The following SLC22A23 variants were observed in gnomAD, a reference collection of about 807,000 sequenced individuals.
The protein encoded by SLC22A23 is ion transporter protein.
In SLC22A23, 26 loss-of-function variants were observed where a neutral mutation model predicts 61.0. The observed-to-expected ratio is 0.43, with a 90% confidence interval of 0.31 to 0.59. The LOEUF is 0.59. SLC22A23 is among the 20% of genes least tolerant of loss of function. The pLI, the probability that SLC22A23 is intolerant of heterozygous loss-of-function variation, is 0.11. For synonymous variants in SLC22A23, 430 were observed against 413.9 expected (o/e 1.04, Z -0.47); for missense variants, 796 against 934.7 (o/e 0.85, Z 1.94).
chr6:3,384,151 T>G (rs971426917), intron 3 of SLC22A23, among the ~76,000 whole-genome samples: 1 of 152,278 alleles, frequency 6.6e-6, no homozygotes, highest in Non-Finnish European at 1.5e-5. Context: ...AAAACATTTT[T>G]GTATAAATTG....
chr6:3,389,946 T>C (rs1483015917), intron 3 of SLC22A23, among the ~76,000 whole-genome samples: 2 of 152,244 alleles, frequency 1.3e-5, no homozygotes, highest in East Asian at 1.9e-4. Context: ...GCAAAGCTGA[T>C]GTACCCATCC....
chr6:3,395,407 C>T (rs1354929802), intron 3 of SLC22A23, among the ~76,000 whole-genome samples: 1 of 152,202 alleles, frequency 6.6e-6, no homozygotes. Flanking sequence ...AAGGACTGTG[C>T]CCATCCATCT....
chr6:3,275,090 C>T (rs1271645500), intron 9 of SLC22A23, among the ~76,000 whole-genome samples: 4 of 152,042 alleles, frequency 2.6e-5, no homozygotes, highest in Admixed American at 6.5e-5. Context: ...TAAAGCCATA[C>T]GGCTTAAGGC....
intron 3 of SLC22A23, among the ~76,000 whole-genome samples, chr6:3,364,252 ATGCAGGTGAG>A (rs1462832739): frequency 1.3e-5 from 2 of 152,176 alleles, no homozygotes; most frequent in African/African-American, 4.8e-5. Flanking sequence ...AAACCTCTCC[ATGCAGGTGAG>A]TGCATTCGAT....
intron 3 of SLC22A23, among the ~76,000 whole-genome samples, chr6:3,385,511 G>C (rs562234541): frequency 6.7e-6 from 1 of 148,152 alleles, no homozygotes; most frequent in African/African-American, 2.6e-5. Flanking sequence ...GCAGAACTCT[G>C]TCTCAAAAAA....
At chr6:3,352,280 C>T (rs928387359) in intron 3 of SLC22A23, among the ~76,000 whole-genome samples, 4 of 151,898 alleles carry the variant, frequency 2.6e-5, no homozygotes, top group African/African-American at 9.7e-5. Flanking sequence ...TGCACACACA[C>T]ACACACACAC....
At chr6:3,338,835 T>C (rs1185594761) in intron 3 of SLC22A23, among the ~76,000 whole-genome samples, 1 of 152,256 alleles carries the variant, frequency 6.6e-6, no homozygotes, top group Non-Finnish European at 1.5e-5. Context: ...TGATGTCACC[T>C]TTGGGGTTTC....
intron 9 of SLC22A23, among the ~76,000 whole-genome samples, chr6:3,281,624 C>T (rs953980484): frequency 5.3e-5 from 8 of 152,116 alleles, no homozygotes; most frequent in African/African-American, 1.9e-4. Flanking sequence ...GGCTGCCCAT[C>T]GTGGCTTATC....
Position 3,330,029 on chromosome 6 carries a change from G to A in SLC22A23, c.914-6027C>T, listed in dbSNP as rs563716115. Among the ~76,000 whole-genome samples the A allele has an allele frequency of 9.2e-5, 14 of 152,320 alleles. No homozygotes were observed. Among genetic ancestry groups the A allele is most frequent in the African/African-American group, 1.7e-4 (7 of 41,572 alleles). ...TCCTCTCCCAAGGGGAAGCCTCTGC[G>A]AAGGCCGACTGGGCCACTAGGACAC... On this transcript the variant is annotated intron_variant, in intron 3 of 9. Transcript: ENST00000406686. The surrounding 1 kb of genome is among the most constrained non-coding windows in gnomAD (Gnocchi z 4.7).
At chr6:3,447,493 C>G (rs780915799) in intron 1 of SLC22A23, among the ~76,000 whole-genome samples, 3 of 151,982 alleles carry the variant, frequency 2.0e-5, no homozygotes, top group Admixed American at 6.6e-5. Flanking sequence ...TCTACTTTCA[C>G]ATATCATTGT....
At chr6:3,447,755 A>G (rs2127556831) in intron 1 of SLC22A23, among the ~76,000 whole-genome samples, 2 of 151,086 alleles carry the variant, frequency 1.3e-5, no homozygotes, top group East Asian at 3.9e-4. Context: ...CACCTGGATA[A>G]TTATTTGTAT....
In SLC22A23 at chr6:3,322,895, T is replaced by C. The variant is rs2127398277; in HGVS notation, c.1082+939A>G. 1.3e-5 allele frequency among the ~76,000 whole-genome samples: 2 copies of C among 152,192 alleles called. No individual in the cohort carries two copies. Among genetic ancestry groups the C allele is most frequent in the South Asian group, 2.1e-4 (1 of 4,814 alleles). ...CAGGGCCACATCCATGATCTACTTA[T>C]GGGTAAGGTGAGAGTATCAGCATGG... On this transcript the variant is annotated intron_variant, in intron 4 of 9. Coordinates refer to ENST00000406686, the MANE Select transcript of SLC22A23 (RefSeq NM_015482.2). This position sits in a 1 kb window ranked among gnomAD's most constrained non-coding sequence, Gnocchi z 4.1.
At chr6:3,331,004 T>C (rs1763551999) in intron 3 of SLC22A23, among the ~76,000 whole-genome samples, 2 of 152,248 alleles carry the variant, frequency 1.3e-5, no homozygotes, top group African/African-American at 4.8e-5. Context: ...TCTCACTTGC[T>C]GAAAGCTAAA....
chr6:3,440,930 C>A (rs1180642479), intron 1 of SLC22A23, among the ~76,000 whole-genome samples: 1 of 152,218 alleles, frequency 6.6e-6, no homozygotes, highest in Non-Finnish European at 1.5e-5. Context: ...CCTAGAAACT[C>A]ACCCAGGGAG....
intron 1 of SLC22A23, among the ~76,000 whole-genome samples, chr6:3,416,632 G>C (rs1454056348): frequency 2.6e-5 from 4 of 152,248 alleles, no homozygotes; most frequent in African/African-American, 9.6e-5. Context: ...GTGTGTCCAA[G>C]TGTGGACTCA....
intron 3 of SLC22A23, among the ~76,000 whole-genome samples, chr6:3,401,291 T>C (rs551649689): frequency 5.3e-5 from 8 of 152,304 alleles, no homozygotes; most frequent in Admixed American, 5.2e-4. Flanking sequence ...TGAGCCGAGA[T>C]TGTGCCGCTG....
intron 3 of SLC22A23, among the ~76,000 whole-genome samples, chr6:3,381,777 A>C (rs550301759): frequency 1.3e-5 from 2 of 152,180 alleles, no homozygotes; most frequent in Admixed American, 1.3e-4. Context: ...TAAAGTCCCT[A>C]GTTCCTTTTC....
intron 1 of SLC22A23, among the ~76,000 whole-genome samples, chr6:3,440,973 T>C (rs1486223259): frequency 6.6e-6 from 1 of 152,120 alleles, no homozygotes; most frequent in African/African-American, 2.4e-5. Flanking sequence ...TTGTGTGGGG[T>C]CCGGCATCAG....
At chr6:3,396,359 G>A (rs893642201) in intron 3 of SLC22A23, among the ~76,000 whole-genome samples, 4 of 152,180 alleles carry the variant, frequency 2.6e-5, no homozygotes, top group South Asian at 2.1e-4. Context: ...TCAAGAGATC[G>A]AGACCATCCT....
Sources: allele counts gnomAD v4.1 joint callset (sites outside exome capture counted in the v4.1 genomes callset), GRCh38; gene constraint gnomAD v4.1.1; non-coding constraint Gnocchi (gnomAD v3.1); transcripts MANE v1.5; gene names NCBI Gene and HGNC (gene_info 2026-07-23, HGNC 2026-07-21).